RTKN2: variants seen among roughly 807,000 people sequenced by gnomAD.
RTKN2 encodes the protein rhotekin 2.
RTKN2 carries 69 observed loss-of-function variants against 71.5 expected under a neutral mutation model. The observed-to-expected ratio is 0.96, with a 90% CI of 0.79 to 1.18. RTKN2 has a LOEUF of 1.18. Ranked by LOEUF, RTKN2 falls within the 50% of genes most tolerant of loss-of-function variation. RTKN2 has a pLI of 0.00. For synonymous variants in RTKN2, 236 were observed against 236.5 expected (o/e 1.00, Z 0.02); for missense variants, 724 against 719.7 (o/e 1.01, Z -0.07).
chr10:62,251,705 T>C lies in RTKN2; in HGVS notation c.258-5648A>G, dbSNP rs144719545. Among the ~76,000 whole-genome samples, 53 of 152,186 alleles carry C rather than the reference T, an allele frequency of 3.5e-4. No individual in the cohort carries two copies. The East Asian group carries it at 9.9e-3, about 28-fold the overall frequency. ...GAATTAAGTGCATTTATACAAATTA[T>C]TGCAAATATGAAAGAAACCAGGAAT... On this transcript the variant is annotated intron_variant, in intron 2 of 11. Transcript: ENST00000373789.
At chr10:62,230,828 TA>T (rs1471334410) in intron 6 of RTKN2, among the ~76,000 whole-genome samples, 1 of 152,206 alleles carries the variant, frequency 6.6e-6, no homozygotes, top group African/African-American at 2.4e-5. Flanking sequence ...ATAAATAGTT[TA>T]AGATACTTTT....
chr10:62,217,251 T>TAA lies in RTKN2; in HGVS notation c.889-3_889-2insTT. The TAA allele has an allele frequency of 2.2e-6, 3 of 1,392,548 alleles. No individual in the cohort carries two copies. The highest frequency in any genetic ancestry group is 2.9e-5 in the South Asian group (2 of 68,284). 86.3% of individuals were successfully genotyped at this position (1,392,548 alleles called of 1,614,324 possible). ...ACTAATCAGACCTTCTACCATTTGC[T>TAA]GAAAAAAAAAAAAAAAAAATCAAGA... On this transcript the variant is annotated splice_region_variant and splice_polypyrimidine_tract_variant and intron_variant, in intron 8 of 11. Coordinates refer to ENST00000373789, the MANE Select transcript of RTKN2 (RefSeq NM_145307.4).
At position 62,268,577 on chromosome 10, in the gene RTKN2, G is replaced by C. The variant is rs1407772371; in HGVS notation, c.34C>G (p.Arg12Gly). The change falls in exon 1 of 12, where the codon CGC becomes GGC. Residue 12 changes from arginine to glycine, a missense_variant. Coordinates refer to ENST00000373789, the MANE Select transcript of RTKN2 (RefSeq NM_145307.4). ...TGCTGGGTGGGAAGCCCCGCCAGGC[G>C]GAGCGCAGGACCCCTCAGGCTCGGC... is the stretch of plus-strand genomic sequence containing the variant. ...EGPSLRGPALRLAGLPTQQDC... is the reference protein window; with the variant it reads ...EGPSLRGPALGLAGLPTQQDC... The C allele has an allele frequency of 1.9e-6, 3 of 1,566,292 alleles. No individual in the cohort carries two copies. The highest frequency in any genetic ancestry group is 2.6e-6 in the Non-Finnish European group (3 of 1,155,296).
chr10:62,238,954 T>G (rs1476978203), intron 5 of RTKN2: 2 of 152,046 alleles, frequency 1.3e-5, no homozygotes, highest in Admixed American at 1.3e-4. Context: ...CACACTGATT[T>G]AGGCACATAG....
chr10:62,196,742 T>C lies in RTKN2; in HGVS notation c.*1166A>G, dbSNP rs571250520. On this transcript the variant is annotated 3_prime_UTR_variant, in exon 12 of 12. Transcript: ENST00000373789. Reference sequence around the variant, plus strand: ...GTTGCTGACACCTTATGGAAACTGTTTTATTTGGAAATTCTAATTAGATTT... The same window carrying C: ...GTTGCTGACACCTTATGGAAACTGTCTTATTTGGAAATTCTAATTAGATTT... 12 of 981,988 alleles carry C rather than the reference T, an allele frequency of 1.2e-5. No individual in the cohort carries two copies. The highest frequency in any genetic ancestry group is 1.2e-4 in the Admixed American group (2 of 16,266). The allele number at this position is 981,988 out of a possible 1,614,324, so 60.8% of individuals were successfully genotyped here.
intron 10 of RTKN2, among the ~76,000 whole-genome samples, chr10:62,201,243 A>C (rs1037221781): frequency 2.6e-5 from 4 of 152,146 alleles, no homozygotes; most frequent in African/African-American, 9.6e-5. Flanking sequence ...TGTTTAGTAA[A>C]ATTACTCATT....
Position 62,197,328 on chromosome 10 carries a change from A to T in RTKN2, c.*580T>A, listed in dbSNP as rs1442130493. 2 of 984,802 alleles carry T rather than the reference A, an allele frequency of 2.0e-6. No individual in the cohort carries two copies. Among genetic ancestry groups the T allele is most frequent in the Non-Finnish European group, 2.4e-6 (2 of 829,090 alleles). 61.0% of individuals were successfully genotyped at this position (984,802 alleles called of 1,614,324 possible). A position where few individuals can be genotyped will look rare whatever the true frequency, so the allele number is the denominator to read the frequency against. Reference sequence around the variant, plus strand: ...AGCACATTACAAATTCCCTTTAAAGATGAAGAATTTAATATTCTAAAATTT... The same window carrying T: ...AGCACATTACAAATTCCCTTTAAAGTTGAAGAATTTAATATTCTAAAATTT... On this transcript the variant is annotated 3_prime_UTR_variant, in exon 12 of 12. Coordinates refer to ENST00000373789, the MANE Select transcript of RTKN2 (RefSeq NM_145307.4).
At chr10:62,226,209 T>C (rs544622052) in intron 6 of RTKN2, among the ~76,000 whole-genome samples, 4 of 152,196 alleles carry the variant, frequency 2.6e-5, no homozygotes, top group Non-Finnish European at 5.9e-5. Flanking sequence ...AAGAGAGATA[T>C]AGAAGACAGT....
intron 2 of RTKN2, among the ~76,000 whole-genome samples, chr10:62,254,796 G>C (rs1589382527): frequency 6.6e-6 from 1 of 151,924 alleles, no homozygotes; most frequent in South Asian, 2.1e-4. Flanking sequence ...AAATAAGCAA[G>C]CTGAGAGACA....
chr10:62,204,314 C>G (rs1231768308), intron 10 of RTKN2, among the ~76,000 whole-genome samples: 3 of 152,144 alleles, frequency 2.0e-5, no homozygotes, highest in African/African-American at 7.2e-5. Flanking sequence ...AGCCCTATTA[C>G]ATTACCATAC....
chr10:62,247,601 T>A (rs955614852), intron 2 of RTKN2, among the ~76,000 whole-genome samples: 7 of 151,978 alleles, frequency 4.6e-5, no homozygotes, highest in Non-Finnish European at 8.8e-5. Flanking sequence ...AAGTTCAACA[T>A]TTTATATTAG....
At chr10:62,241,061 G>A (rs1842363682) in intron 4 of RTKN2, 81 bp downstream of exon 4, 2 of 711,752 alleles carry the variant, frequency 2.8e-6, no homozygotes, top group Non-Finnish European at 4.8e-6. Context: ...ATTTCAGCAA[G>A]GAAGCAGTCT....
downstream of RTKN2, among the ~76,000 whole-genome samples, chr10:62,190,870 G>T (rs558122791): frequency 6.6e-6 from 1 of 152,128 alleles, no homozygotes; most frequent in Non-Finnish European, 1.5e-5. Flanking sequence ...TGCCACATTT[G>T]CTTCAATCAT....
chr10:62,213,979 T>TTA (rs1442504021), intron 9 of RTKN2, among the ~76,000 whole-genome samples: 3 of 151,968 alleles, frequency 2.0e-5, no homozygotes, highest in Admixed American at 2.0e-4. Flanking sequence ...GTGAATTCAC[T>TTA]ATTAAGAGGG....
downstream of RTKN2, among the ~76,000 whole-genome samples, chr10:62,188,625 C>G (rs1017069621): frequency 6.6e-6 from 1 of 152,170 alleles, no homozygotes; most frequent in African/African-American, 2.4e-5. Context: ...CCCAATCAAT[C>G]TTACGTCTTT....
chr10:62,267,330 C>G lies in RTKN2; in HGVS notation c.60+1221G>C, dbSNP rs150636786. On this transcript the variant is annotated intron_variant, in intron 1 of 11. Coordinates refer to ENST00000373789, the MANE Select transcript of RTKN2 (RefSeq NM_145307.4). Reference sequence around the variant, plus strand: ...ATCCTCTTGTCGCTTCTGTACCATTCCTATTCTTGCAGCCTGCAGCTCAAT... The same window carrying G: ...ATCCTCTTGTCGCTTCTGTACCATTGCTATTCTTGCAGCCTGCAGCTCAAT... Among the ~76,000 whole-genome samples, 1,163 of 152,270 alleles carry G rather than the reference C, an allele frequency of 7.6e-3. 12 individuals carry two copies. Among genetic ancestry groups the G allele is most frequent in the African/African-American group, 0.027 (1,117 of 41,552 alleles).
At position 62,245,674 on chromosome 10, in the gene RTKN2, G is replaced by A. The variant is rs944760784; in HGVS notation, c.316+325C>T. On this transcript the variant is annotated intron_variant, in intron 3 of 11. Coordinates refer to ENST00000373789, the MANE Select transcript of RTKN2 (RefSeq NM_145307.4). ...TTATTATAGCTTCTGAGCAGGAAAGGAACAGAGTCAAAAGACTTGGGTTTG... is the reference window on the plus strand; with the variant it reads ...TTATTATAGCTTCTGAGCAGGAAAGAAACAGAGTCAAAAGACTTGGGTTTG... Among the ~76,000 whole-genome samples, 4 of 152,256 alleles carry A rather than the reference G, an allele frequency of 2.6e-5. No individual in the cohort carries two copies. In the South Asian group the frequency reaches 8.3e-4, roughly 32 times the overall value.
At chr10:62,198,548 C>G in intron 11 of RTKN2, 105 bp from the exon 12 acceptor site, 1 of 834,218 alleles carries the variant, frequency 1.2e-6, no homozygotes. Flanking sequence ...CAATGGTCAT[C>G]AAAGACTATG....
At chr10:62,240,285 T>A (rs934760530) in intron 4 of RTKN2, among the ~76,000 whole-genome samples, 4 of 149,508 alleles carry the variant, frequency 2.7e-5, no homozygotes, top group African/African-American at 7.4e-5. Flanking sequence ...AAAATAGACA[T>A]GAGAACACAA....
Sources: allele counts gnomAD v4.1 joint callset (sites outside exome capture counted in the v4.1 genomes callset), GRCh38; gene constraint gnomAD v4.1.1; transcripts MANE v1.5; gene names NCBI Gene and HGNC (gene_info 2026-07-23, HGNC 2026-07-21).